GPC6: variants seen among roughly 807,000 people sequenced by gnomAD.
The protein encoded by GPC6 is glypican 6.
GPC6 carries 14 observed loss-of-function variants against 55.2 expected under a neutral mutation model. The ratio of observed to expected loss-of-function variants is 0.25; its 90% CI spans 0.17 to 0.40. GPC6 has a LOEUF of 0.40. GPC6 is among the 10% of genes least tolerant of loss of function. The pLI is 1.00. For synonymous variants in GPC6, 278 were observed against 259.6 expected (o/e 1.07, Z -0.68); for missense variants, 641 against 708.5 (o/e 0.90, Z 1.08).
chr13:93,354,726 T>C (rs1255743136), intron 1 of GPC6, among the ~76,000 whole-genome samples: 2 of 152,064 alleles, frequency 1.3e-5, no homozygotes, highest in Non-Finnish European at 2.9e-5. Flanking sequence ...TAACCAAGGT[T>C]GGTTAGAATA....
At chr13:93,563,237 G>A (rs1281237918) in intron 2 of GPC6, among the ~76,000 whole-genome samples, 1 of 152,100 alleles carries the variant, frequency 6.6e-6, no homozygotes, top group African/African-American at 2.4e-5. Context: ...AGCTTGACCT[G>A]TTCACATCAA....
chr13:93,455,678 G>A (rs1052256149), intron 1 of GPC6, among the ~76,000 whole-genome samples: 28 of 152,102 alleles, frequency 1.8e-4, no homozygotes, highest in South Asian at 2.1e-4. Context: ...TAAGAGAAAG[G>A]AATTATTATG....
intron 1 of GPC6, among the ~76,000 whole-genome samples, chr13:93,390,027 T>A (rs1366809720): frequency 6.7e-6 from 1 of 148,188 alleles, no homozygotes; most frequent in Non-Finnish European, 1.5e-5. Context: ...AGACAGGCAT[T>A]TTTTTTTTTT....
At chr13:94,083,115 G>GT (rs1885158317) in intron 4 of GPC6, among the ~76,000 whole-genome samples, 1 of 151,960 alleles carries the variant, frequency 6.6e-6, no homozygotes, top group African/African-American at 2.4e-5. Flanking sequence ...AGGTTTTTTT[G>GT]TTTTCTTTTG....
chr13:94,247,654 T>C (rs538982917), intron 4 of GPC6, among the ~76,000 whole-genome samples: 69 of 152,274 alleles, frequency 4.5e-4, no homozygotes, highest in African/African-American at 1.6e-3. Context: ...ATAACATTAA[T>C]TGATTTGCAT....
intron 1 of GPC6, among the ~76,000 whole-genome samples, chr13:93,360,730 T>A (rs1881015275): frequency 6.6e-6 from 1 of 152,204 alleles, no homozygotes; most frequent in Non-Finnish European, 1.5e-5. Context: ...AGTGGATTAT[T>A]TTTCCTCCAA....
At chr13:93,845,862 T>G in intron 3 of GPC6, among the ~76,000 whole-genome samples, 2 of 142,736 alleles carry the variant, frequency 1.4e-5, no homozygotes, top group Non-Finnish European at 3.1e-5. Flanking sequence ...AGGGATAGCA[T>G]TGGGAGATAT....
intron 3 of GPC6, among the ~76,000 whole-genome samples, chr13:93,935,754 A>C (rs985259433): frequency 1.3e-5 from 2 of 152,212 alleles, no homozygotes; most frequent in Non-Finnish European, 2.9e-5. Flanking sequence ...AACATATATA[A>C]GAAGAATTAC....
chr13:94,027,994 G>A, intron 4 of GPC6, 100 bp downstream of exon 4: 2 of 1,089,640 alleles, frequency 1.8e-6, no homozygotes, highest in South Asian at 1.3e-5. Context: ...ACCAGACACA[G>A]TGGTTCACAT....
chr13:93,636,203 T>C (rs9645926), intron 2 of GPC6, among the ~76,000 whole-genome samples: 28,268 of 152,120 alleles, frequency 0.19, 3,085 homozygotes, highest in Middle Eastern at 0.3. Flanking sequence ...TAATATAAGA[T>C]TTTAATTAAG....
chr13:94,357,978 T>C (rs944768146), intron 6 of GPC6, among the ~76,000 whole-genome samples: 2 of 152,216 alleles, frequency 1.3e-5, no homozygotes, highest in Non-Finnish European at 2.9e-5. Flanking sequence ...GTTTGTTGAC[T>C]GAATGCATGA....
intron 4 of GPC6, among the ~76,000 whole-genome samples, chr13:94,172,065 C>A (rs1310646254): frequency 1.3e-5 from 2 of 152,100 alleles, no homozygotes; most frequent in African/African-American, 4.8e-5. Flanking sequence ...AAATGCCCCC[C>A]AAATTGCACA....
chr13:93,409,894 T>TAAGAGTC (rs1876432105), intron 1 of GPC6, among the ~76,000 whole-genome samples: 1 of 152,154 alleles, frequency 6.6e-6, no homozygotes. Context: ...GAAAACAAAA[T>TAAGAGTC]AAGAGTCATT....
intron 2 of GPC6, among the ~76,000 whole-genome samples, chr13:93,557,898 T>C (rs932824376): frequency 1.3e-5 from 2 of 152,222 alleles, no homozygotes; most frequent in Non-Finnish European, 2.9e-5. Flanking sequence ...AATTCTAAAT[T>C]AGGCATTTCT....
chr13:93,966,597 T>C (rs1450794247), intron 3 of GPC6, among the ~76,000 whole-genome samples: 2 of 151,764 alleles, frequency 1.3e-5, no homozygotes. Context: ...AGAACAGATA[T>C]TAAATTATTT....
chr13:93,543,852 G>T (rs1464212934), intron 1 of GPC6, among the ~76,000 whole-genome samples: 3 of 152,048 alleles, frequency 2.0e-5, no homozygotes. Context: ...GTGGGTTGCT[G>T]GATGCTATTT....
chr13:93,255,022 A>G (rs1422637037), intron 1 of GPC6, among the ~76,000 whole-genome samples: 1 of 152,234 alleles, frequency 6.6e-6, no homozygotes. Context: ...CGCTGCTCTT[A>G]CAGGAGCCTG....
chr13:93,818,362 T>C (rs1886934869), intron 2 of GPC6: 1 of 152,144 alleles, frequency 6.6e-6, no homozygotes, highest in African/African-American at 2.4e-5. Context: ...TCAATTAAGA[T>C]GTAATATTTT....
At chr13:93,486,671 G>C (rs1051286114) in intron 1 of GPC6, among the ~76,000 whole-genome samples, 3 of 152,100 alleles carry the variant, frequency 2.0e-5, no homozygotes, top group African/African-American at 7.2e-5. Context: ...TCTTGGCCGG[G>C]CACGGTGGCT....
Sources: gnomAD v4.1 joint callset for allele counts (sites outside exome capture counted in the v4.1 genomes callset) on GRCh38, gnomAD v4.1.1 for gene constraint, MANE v1.5 for transcripts, NCBI Gene and HGNC (gene_info 2026-07-23, HGNC 2026-07-21) for gene names.